NBAS: variants seen among roughly 807,000 people sequenced by gnomAD.
NBAS encodes the protein NBAS subunit of NRZ tethering complex.
Under a neutral mutation model 302.5 loss-of-function variants are expected in NBAS, and 219 were observed. That is an observed-to-expected ratio of 0.72 (90% CI 0.65 to 0.81). The LOEUF is 0.81. Ranked by LOEUF, NBAS falls within the 30% of genes least tolerant of loss-of-function variation. NBAS has a pLI of 0.00. For synonymous variants in NBAS, 1,118 were observed against 1,021.6 expected, an observed-to-expected ratio of 1.09 and a Z score of -1.80; for missense variants, 2,932 against 2,841.6, an observed-to-expected ratio of 1.03 and a Z score of -0.72.
At chr2:15,489,703 T>C (rs77300971) in intron 11 of NBAS, among the ~76,000 whole-genome samples, 2,238 of 152,324 alleles carry the variant, frequency 0.015, 41 homozygotes, top group East Asian at 0.059. Context: ...GAGGAAGAGT[T>C]ATCCTTCCAG....
the NBAS span, among the ~76,000 whole-genome samples, chr2:14,797,536 G>T: frequency 3.9e-5 from 6 of 152,124 alleles, no homozygotes; most frequent in African/African-American, 1.4e-4. Flanking sequence ...GGGCTTTTCG[G>T]TTCCTGGCAT....
chr2:14,950,172 C>A, the NBAS span, among the ~76,000 whole-genome samples: 5 of 152,318 alleles, frequency 3.3e-5, no homozygotes, highest in East Asian at 9.6e-4. Flanking sequence ...CCCTTCCACT[C>A]TTCCCCCTGA....
chr2:15,421,615 A>C (rs759114273), intron 23 of NBAS, among the ~76,000 whole-genome samples: 2 of 151,940 alleles, frequency 1.3e-5, no homozygotes, highest in Non-Finnish European at 2.9e-5. Flanking sequence ...CCTAACATGA[A>C]GCCAAAAAAA....
the NBAS span, among the ~76,000 whole-genome samples, chr2:15,028,793 T>A: frequency 1.3e-5 from 2 of 152,334 alleles, no homozygotes; most frequent in South Asian, 2.1e-4. Context: ...AATCTCAGTT[T>A]TAAAGAAGGT....
intron 23 of NBAS, among the ~76,000 whole-genome samples, chr2:15,421,989 C>T (rs1254051318): frequency 6.6e-6 from 1 of 152,146 alleles, no homozygotes; most frequent in African/African-American, 2.4e-5. Flanking sequence ...CCAAAGTCCA[C>T]GGTTTACATT....
At chr2:15,037,594 TAATA>T in the NBAS span, among the ~76,000 whole-genome samples, 2 of 152,216 alleles carry the variant, frequency 1.3e-5, no homozygotes, top group Admixed American at 6.5e-5. Flanking sequence ...CACATTAAAT[TAATA>T]ATTATTTGGA....
chr2:15,227,365 A>G (rs2147912210), intron 47 of NBAS, among the ~76,000 whole-genome samples: 1 of 152,344 alleles, frequency 6.6e-6, no homozygotes, highest in South Asian at 2.1e-4. Context: ...GACACAAATA[A>G]ATGGAACGAT....
chr2:15,468,293 T>A (rs1679811210), intron 17 of NBAS, 89 bp downstream of exon 17: 2 of 1,482,152 alleles, frequency 1.3e-6, no homozygotes, highest in Non-Finnish European at 1.9e-6. Flanking sequence ...ATAACTTAAA[T>A]AAAGAAAAGT....
intron 44 of NBAS, among the ~76,000 whole-genome samples, chr2:15,242,535 T>G (rs77144828): frequency 0.028 from 4,331 of 152,194 alleles, 107 homozygotes; most frequent in Non-Finnish European, 0.041. Flanking sequence ...AAAAAATATA[T>G]GTTTAACACT....
chr2:14,797,535 G>A, the NBAS span, among the ~76,000 whole-genome samples: 2 of 152,128 alleles, frequency 1.3e-5, no homozygotes, highest in African/African-American at 2.4e-5. Flanking sequence ...GGGGCTTTTC[G>A]GTTCCTGGCA....
intron 9 of NBAS, among the ~76,000 whole-genome samples, chr2:15,526,318 T>C (rs949272569): frequency 1.3e-5 from 2 of 152,184 alleles, no homozygotes; most frequent in African/African-American, 4.8e-5. Flanking sequence ...TCTCAATTAA[T>C]TTTTGTTTCA....
At chr2:15,121,215 C>T in the NBAS span, among the ~76,000 whole-genome samples, 4 of 151,974 alleles carry the variant, frequency 2.6e-5, no homozygotes, top group Non-Finnish European at 5.9e-5. Context: ...CCTGCTTTGA[C>T]ATCCTGAAGA....
the NBAS span, among the ~76,000 whole-genome samples, chr2:14,981,236 T>C: frequency 6.6e-6 from 1 of 152,296 alleles, no homozygotes; most frequent in East Asian, 1.9e-4. Flanking sequence ...GATTAGTGTA[T>C]GATCTTCCAG....
intron 21 of NBAS, among the ~76,000 whole-genome samples, chr2:15,433,387 A>G (rs1315525897): frequency 6.6e-6 from 1 of 152,216 alleles, no homozygotes; most frequent in African/African-American, 2.4e-5. Flanking sequence ...GCATACAGTG[A>G]ATGTTATAAA....
At chr2:15,540,212 T>G (rs1663738398) in intron 6 of NBAS, among the ~76,000 whole-genome samples, 1 of 152,104 alleles carries the variant, frequency 6.6e-6, no homozygotes, top group Admixed American at 6.5e-5. Flanking sequence ...AGTAGGAGAC[T>G]CAAGGTGTCA....
chr2:14,913,371 A>C, the NBAS span, among the ~76,000 whole-genome samples: 1 of 152,158 alleles, frequency 6.6e-6, no homozygotes, highest in African/African-American at 2.4e-5. Context: ...ATAAGTCATT[A>C]AGGATTAGGA....
chr2:15,350,166 G>C (rs775376551), intron 35 of NBAS, among the ~76,000 whole-genome samples: 18 of 152,044 alleles, frequency 1.2e-4, no homozygotes, highest in African/African-American at 4.1e-4. Context: ...CAAAAGCTAA[G>C]TATCTTTGCC....
intron 21 of NBAS, among the ~76,000 whole-genome samples, chr2:15,460,052 T>A (rs957383990): frequency 6.6e-6 from 1 of 152,130 alleles, no homozygotes; most frequent in African/African-American, 2.4e-5. Context: ...TTGACCATCA[T>A]CATTAATACC....
chr2:14,887,850 A>G, the NBAS span, among the ~76,000 whole-genome samples: 1 of 152,298 alleles, frequency 6.6e-6, no homozygotes, highest in African/African-American at 2.4e-5. Flanking sequence ...ACTGATGGCT[A>G]TTTTTTAATT....
Sources: gnomAD v4.1 joint callset for allele counts (sites outside exome capture counted in the v4.1 genomes callset) on GRCh38, gnomAD v4.1.1 for gene constraint, MANE v1.5 for transcripts, NCBI Gene and HGNC (gene_info 2026-07-23, HGNC 2026-07-21) for gene names.